Variants in RANBP17 observed in about 807,000 individuals in gnomAD.
The protein encoded by RANBP17 is ran-binding protein 17.
Under a neutral mutation model 141.2 loss-of-function variants are expected in RANBP17, and 158 were observed. The observed-to-expected ratio is 1.12, with a 90% confidence interval of 0.98 to 1.28. The LOEUF (loss-of-function observed/expected upper bound fraction) is 1.28, where lower values mean the gene tolerates loss of function less well. RANBP17 is among the 50% of genes most tolerant of loss of function. The pLI, the probability that RANBP17 is intolerant of heterozygous loss-of-function variation, is 0.00. For missense variants in RANBP17, 1,438 were observed against 1,290.7 expected (o/e 1.11, Z -1.75); for synonymous variants, 430 against 450.0 (o/e 0.96, Z 0.56).
At chr5:171,103,978 G>A (rs867829969) in intron 14 of RANBP17, among the ~76,000 whole-genome samples, 5 of 152,300 alleles carry the variant, frequency 3.3e-5, no homozygotes, top group Admixed American at 1.3e-4. Context: ...TACCTCAGCC[G>A]GAAATGCAGA....
chr5:171,061,885 T>G (rs983679420), intron 14 of RANBP17, among the ~76,000 whole-genome samples: 8 of 152,158 alleles, frequency 5.3e-5, no homozygotes, highest in African/African-American at 9.7e-5. Context: ...AGCTCTTCTT[T>G]TTGAATTGAT....
At chr5:171,023,204 T>G (rs1213900540) in intron 14 of RANBP17, among the ~76,000 whole-genome samples, 2 of 152,224 alleles carry the variant, frequency 1.3e-5, no homozygotes, top group Non-Finnish European at 2.9e-5. Flanking sequence ...ACGCCGCTGT[T>G]CTGTTTCTAG....
At chr5:171,033,992 G>A (rs1468355153) in intron 14 of RANBP17, among the ~76,000 whole-genome samples, 2 of 152,130 alleles carry the variant, frequency 1.3e-5, no homozygotes, top group African/African-American at 4.8e-5. Flanking sequence ...CATTCCTGTA[G>A]TCTCAGCTTC....
At chr5:170,909,521 A>C in intron 5 of RANBP17, 140 bp from the exon 6 acceptor site, 1 of 563,608 alleles carries the variant, frequency 1.8e-6, no homozygotes, top group Non-Finnish European at 3.1e-6. Context: ...TACGGGTTGT[A>C]GGAAGAACAT....
In RANBP17 at chr5:171,221,858, T is replaced by A; in HGVS notation, c.2422+18T>A. 3 of 1,358,226 alleles carry A rather than the reference T, an allele frequency of 2.2e-6. No individual in the cohort carries two copies. The highest frequency in any genetic ancestry group is 3.2e-6 in the Non-Finnish European group (3 of 951,510). The allele number at this position is 1,358,226 out of a possible 1,614,324, so 84.1% of individuals were successfully genotyped here. On this transcript the variant is annotated intron_variant, in intron 22 of 27. Transcript: ENST00000523189. ...CACTTATGGTGAGTGTCCTTTTCCA[T>A]ATGTGCCTCTGCAATATAGTTTTAT...
chr5:171,090,084 A>G (rs989601706), intron 14 of RANBP17, among the ~76,000 whole-genome samples: 1 of 152,226 alleles, frequency 6.6e-6, no homozygotes, highest in South Asian at 2.1e-4. Context: ...CAACTTTGCA[A>G]CTGGGTAACA....
At chr5:170,942,313 A>C (rs1252255433) in intron 12 of RANBP17, among the ~76,000 whole-genome samples, 1 of 152,196 alleles carries the variant, frequency 6.6e-6, no homozygotes, top group East Asian at 1.9e-4. Context: ...AATGTACAAT[A>C]ATATTCATAG....
At chr5:171,039,908 G>A (rs767049783) in intron 14 of RANBP17, among the ~76,000 whole-genome samples, 3 of 152,090 alleles carry the variant, frequency 2.0e-5, no homozygotes, top group Non-Finnish European at 4.4e-5. Context: ...AAAAGCCGCA[G>A]ATCAGATGGA....
intron 22 of RANBP17, among the ~76,000 whole-genome samples, chr5:171,227,962 C>G (rs979677040): frequency 2.0e-5 from 3 of 152,228 alleles, no homozygotes; most frequent in African/African-American, 7.2e-5. Context: ...CAAAAGGTTA[C>G]TGCTCACTGA....
Position 170,866,305 on chromosome 5 carries a change from G to C in RANBP17, c.18+4254G>C, listed in dbSNP as rs184975633. Among the ~76,000 whole-genome samples the C allele has an allele frequency of 9.9e-4, 143 of 144,596 alleles. 2 individuals are homozygous for C. Among genetic ancestry groups the C allele is most frequent in the African/African-American group, 4.1e-3 (141 of 34,280 alleles). 94.9% of individuals were successfully genotyped at this position (144,596 alleles called of 152,430 possible). ...ATACAGGAGGTACAAAGGAGACTAA[G>C]GAGAGGGGGAAGCAAAAGATAACAT... is the stretch of plus-strand genomic sequence containing the variant. On this transcript the variant is annotated intron_variant, in intron 1 of 27. Coordinates refer to ENST00000523189, the MANE Select transcript of RANBP17 (RefSeq NM_022897.5).
chr5:171,290,394 A>C (rs1768423093), intron 25 of RANBP17, among the ~76,000 whole-genome samples: 1 of 151,890 alleles, frequency 6.6e-6, no homozygotes, highest in Non-Finnish European at 1.5e-5. Flanking sequence ...AAGAAAGAAA[A>C]AGAAAGTATG....
intron 14 of RANBP17, among the ~76,000 whole-genome samples, chr5:171,106,611 G>A (rs544201207): frequency 9.8e-4 from 149 of 152,222 alleles, no homozygotes; most frequent in Non-Finnish European, 1.5e-3. Flanking sequence ...CAGACTTGGA[G>A]CCTGATAATC....
At chr5:171,099,564 T>A (rs997143566) in intron 14 of RANBP17, among the ~76,000 whole-genome samples, 1 of 152,180 alleles carries the variant, frequency 6.6e-6, no homozygotes, top group African/African-American at 2.4e-5. Context: ...ATAATTTAAC[T>A]TCCTCTCTTC....
At chr5:171,293,535 G>A (rs1251498110) in intron 25 of RANBP17, among the ~76,000 whole-genome samples, 1 of 152,214 alleles carries the variant, frequency 6.6e-6, no homozygotes, top group African/African-American at 2.4e-5. Flanking sequence ...AGACAGGAAG[G>A]TGAGCTGAGC....
At chr5:170,971,678 G>A (rs993478551) in intron 14 of RANBP17, among the ~76,000 whole-genome samples, 4 of 152,080 alleles carry the variant, frequency 2.6e-5, no homozygotes, top group African/African-American at 4.8e-5. Context: ...TGTACCTCTT[G>A]TATCCAATCT....
chr5:171,058,301 T>TCCCTCCC (rs966909130), intron 14 of RANBP17, among the ~76,000 whole-genome samples: 1 of 114,428 alleles, frequency 8.7e-6, no homozygotes, highest in African/African-American at 3.4e-5. Context: ...CCTAATGCTA[T>TCCCTCCC]CCCTCCCCCC....
intron 9 of RANBP17, among the ~76,000 whole-genome samples, chr5:170,917,862 T>A (rs1455816470): frequency 6.6e-6 from 1 of 152,168 alleles, no homozygotes; most frequent in African/African-American, 2.4e-5. Flanking sequence ...TGTTTTAGAA[T>A]CACAAACATG....
intron 14 of RANBP17, among the ~76,000 whole-genome samples, chr5:171,102,084 C>T (rs1450252260): frequency 6.6e-6 from 1 of 152,172 alleles, no homozygotes; most frequent in African/African-American, 2.4e-5. Context: ...GGTTGCTCTT[C>T]TCAAGGAGTA....
chr5:170,957,221 C>T (rs1352354420), intron 13 of RANBP17, among the ~76,000 whole-genome samples: 1 of 152,028 alleles, frequency 6.6e-6, no homozygotes, highest in African/African-American at 2.4e-5. Context: ...ACGTATTGAA[C>T]ATGTTGAACT....
Sources: allele counts gnomAD v4.1 joint callset (sites outside exome capture counted in the v4.1 genomes callset), GRCh38; gene constraint gnomAD v4.1.1; transcripts MANE v1.5; gene names NCBI Gene and HGNC (gene_info 2026-07-23, HGNC 2026-07-21).